CCDC7: variants seen among roughly 807,000 people sequenced by gnomAD.
CCDC7 encodes the protein coiled-coil domain-containing protein 7.
CCDC7 carries 183 observed loss-of-function variants against 196.9 expected under a neutral mutation model. The observed-to-expected ratio is 0.93, with a 90% confidence interval of 0.82 to 1.05. CCDC7 has a LOEUF of 1.05. Ranked by LOEUF, CCDC7 falls within the 50% of genes least tolerant of loss-of-function variation. CCDC7 has a pLI of 0.00. For synonymous variants in CCDC7, 525 were observed against 484.6 expected, an observed-to-expected ratio of 1.08 and a Z score of -1.10; for missense variants, 1,540 against 1,482.2, an observed-to-expected ratio of 1.04 and a Z score of -0.64.
chr10:32,556,734 A>G (rs2054414884), intron 13 of CCDC7, among the ~76,000 whole-genome samples: 1 of 152,198 alleles, frequency 6.6e-6, no homozygotes, highest in African/African-American at 2.4e-5. Context: ...TAAAAAAGTC[A>G]TGTTTGCTTT....
At position 32,551,870 on chromosome 10, in the gene CCDC7, C is replaced by T. The variant is rs185574337; in HGVS notation, c.1134+7569C>T. Among the ~76,000 whole-genome samples, 1,202 of 152,172 alleles carry T rather than the reference C, an allele frequency of 7.9e-3. 7 individuals carry two copies. Among genetic ancestry groups the T allele is most frequent in the Middle Eastern group, 0.02 (6 of 294 alleles). On this transcript the variant is annotated intron_variant, in intron 13 of 41. Transcript: ENST00000639629. ...TGCGCTGTTGAATAGAATGTGTATT[C>T]TGTGGTTGTTGGATGAAATGTTCTG...
chr10:32,699,389 A>T (rs1004407736), intron 24 of CCDC7, among the ~76,000 whole-genome samples: 3 of 151,772 alleles, frequency 2.0e-5, no homozygotes, highest in African/African-American at 7.3e-5. Context: ...GAACTCATCC[A>T]TTTTTATGGC....
intron 32 of CCDC7, among the ~76,000 whole-genome samples, chr10:32,830,121 G>GAGATATATATATATATATATATATATAT (rs1555181028): frequency 2.0e-5 from 1 of 50,668 alleles, no homozygotes; most frequent in East Asian, 5.6e-4. Flanking sequence ...TATATATAAG[G>GAGATATATATATATATATATATATATAT]ATATATATAT....
intron 28 of CCDC7, among the ~76,000 whole-genome samples, chr10:32,736,145 T>G (rs764688263): frequency 9.2e-5 from 14 of 152,144 alleles, no homozygotes; most frequent in Non-Finnish European, 1.8e-4. Flanking sequence ...TTCTGGGTCT[T>G]TTGCCTTTCC....
intron 28 of CCDC7, among the ~76,000 whole-genome samples, chr10:32,746,786 T>G (rs1466497120): frequency 2.0e-5 from 3 of 152,104 alleles, no homozygotes; most frequent in Non-Finnish European, 4.4e-5. Context: ...CTCGCACCAC[T>G]TTGTCATTGT....
At chr10:32,454,046 T>C (rs563803310) in intron 2 of CCDC7, among the ~76,000 whole-genome samples, 75 of 152,204 alleles carry the variant, frequency 4.9e-4, no homozygotes, top group Middle Eastern at 3.4e-3. Context: ...TACTGACACA[T>C]AGAACAATGT....
At chr10:32,846,225 C>A in intron 36 of CCDC7, 151 bp from the exon 38 acceptor site, 1 of 618,744 alleles carries the variant, frequency 1.6e-6, no homozygotes, top group Non-Finnish European at 2.9e-6. Flanking sequence ...ACAGTGTCTA[C>A]ATGTTATTAT....
chr10:32,462,823 T>G, intron 4 of CCDC7, 120 bp downstream of exon 5: 3 of 1,264,694 alleles, frequency 2.4e-6, no homozygotes, highest in Non-Finnish European at 3.2e-6. Context: ...CTGCTCTATA[T>G]ATTTAAGAAT....
chr10:32,806,365 C>G (rs913202088), intron 30 of CCDC7, among the ~76,000 whole-genome samples: 2 of 152,000 alleles, frequency 1.3e-5, no homozygotes, highest in Non-Finnish European at 2.9e-5. Context: ...GACCCATACA[C>G]AGAAGAAGAG....
At chr10:32,473,003 G>C (rs2038263348) in intron 7 of CCDC7, among the ~76,000 whole-genome samples, 1 of 152,200 alleles carries the variant, frequency 6.6e-6, no homozygotes, top group Admixed American at 6.5e-5. Context: ...ATACTTAATA[G>C]TGAGTTTGAT....
At chr10:32,752,065 G>A (rs752863296) in intron 28 of CCDC7, among the ~76,000 whole-genome samples, 4 of 152,022 alleles carry the variant, frequency 2.6e-5, no homozygotes, top group Non-Finnish European at 4.4e-5. Context: ...TTTGGCCTAC[G>A]CTTTTGACAA....
intron 41 of CCDC7, among the ~76,000 whole-genome samples, chr10:32,858,405 A>T (rs1055528118): frequency 6.6e-6 from 1 of 152,220 alleles, no homozygotes; most frequent in African/African-American, 2.4e-5. Context: ...ATTAAACATT[A>T]TCAAACTGAA....
intron 40 of CCDC7, among the ~76,000 whole-genome samples, chr10:32,852,268 C>T (rs868835190): frequency 6.6e-6 from 1 of 152,164 alleles, no homozygotes; most frequent in Middle Eastern, 3.4e-3. Flanking sequence ...TTTTATGCAA[C>T]CCCAGGGAGA....
At chr10:32,735,718 T>C (rs1164873450) in intron 28 of CCDC7, among the ~76,000 whole-genome samples, 1 of 152,180 alleles carries the variant, frequency 6.6e-6, no homozygotes, top group Non-Finnish European at 1.5e-5. Flanking sequence ...GATTGTGCTT[T>C]TGTTGTATCT....
intron 9 of CCDC7, among the ~76,000 whole-genome samples, chr10:32,506,435 C>T (rs2045132240): frequency 6.6e-6 from 1 of 152,226 alleles, no homozygotes; most frequent in Non-Finnish European, 1.5e-5. Context: ...AGACGCTGCT[C>T]ACTTCCTAGA....
chr10:32,616,810 T>C (rs2062826598), intron 18 of CCDC7, among the ~76,000 whole-genome samples: 2 of 151,892 alleles, frequency 1.3e-5, no homozygotes, highest in South Asian at 4.1e-4. Context: ...ATATATTACC[T>C]GTTATGTTGA....
intron 18 of CCDC7, among the ~76,000 whole-genome samples, chr10:32,588,779 A>G (rs2059526627): frequency 6.6e-6 from 1 of 151,988 alleles, no homozygotes; most frequent in South Asian, 2.1e-4. Context: ...GGTCCTAGAC[A>G]TTTCTTTGTT....
intron 24 of CCDC7, among the ~76,000 whole-genome samples, chr10:32,710,479 A>G (rs2141880373): frequency 6.6e-6 from 1 of 152,300 alleles, no homozygotes; most frequent in African/African-American, 2.4e-5. Flanking sequence ...TGGATCTCTA[A>G]TTTGCCCCAC....
chr10:32,459,071 G>A (rs1362884223), intron 3 of CCDC7, among the ~76,000 whole-genome samples: 1 of 151,806 alleles, frequency 6.6e-6, no homozygotes, highest in Non-Finnish European at 1.5e-5. Context: ...AATGGGATTG[G>A]TCTCTTGATT....
Sources: allele counts gnomAD v4.1 joint callset (sites outside exome capture counted in the v4.1 genomes callset), GRCh38; gene constraint gnomAD v4.1.1; transcripts MANE v1.5; gene names NCBI Gene and HGNC (gene_info 2026-07-23, HGNC 2026-07-21).